The following MTMR1 variants were observed in gnomAD, a reference collection of about 807,000 sequenced individuals.
The protein encoded by MTMR1 is phosphatidylinositol-3-phosphate phosphatase MTMR1.
Under a neutral mutation model 51.6 loss-of-function variants are expected in MTMR1, and 17 were observed. That is an observed-to-expected ratio of 0.33 (90% CI 0.23 to 0.49). The LOEUF (loss-of-function observed/expected upper bound fraction) is 0.49. Among genes scored for constraint, MTMR1 ranks in the 20% least tolerant of loss-of-function variants. The pLI, the probability that MTMR1 is intolerant of heterozygous loss-of-function variation, is 0.99. For missense variants in MTMR1, 386 were observed against 526.9 expected (o/e 0.73, Z 2.62); for synonymous variants, 201 against 205.6 (o/e 0.98, Z 0.19).
chrX:150,758,383 C>A (rs1557417841), intron 15 of MTMR1, among the ~76,000 whole-genome samples: 1 of 112,300 alleles, frequency 8.9e-6, no homozygotes. Context: ...TGCCTAACAG[C>A]CCAGACATCA....
intron 6 of MTMR1, among the ~76,000 whole-genome samples, chrX:150,728,413 A>G (rs963573672): frequency 2.4e-4 from 27 of 112,184 alleles, no homozygotes; most frequent in African/African-American, 8.8e-4. Context: ...AAAAGCAGAG[A>G]CCAATACATT....
chrX:150,750,781 C>G lies in MTMR1; in HGVS notation c.1618C>G (p.His540Asp), dbSNP rs2042705272. ...GCTATTCTTGATTACAATTTTGGATCACCTTTATAGCTGTCTTTTTGGGAC... is the reference window on the plus strand; with the variant it reads ...GCTATTCTTGATTACAATTTTGGATGACCTTTATAGCTGTCTTTTTGGGAC... ...NELFLITILD[H>D]LYSCLFGTFL... The change falls in exon 14 of 16, where the codon CAC becomes GAC. Residue 540 changes from histidine (H) to aspartate (D), a missense_variant. Physicochemically the swap from His to Asp is moderately conservative, Grantham distance 81 (BLOSUM62 -1). Coordinates refer to ENST00000445323, the MANE Select transcript of MTMR1 (RefSeq NM_001306144.3). 8.3e-7 allele frequency: 1 copy of G among 1,206,923 alleles called. No homozygotes were observed. The highest frequency in any genetic ancestry group is 2.2e-5 in the Admixed American group (1 of 45,536).
At chrX:150,760,951 AAAAG>A (rs1557418006) in intron 15 of MTMR1, among the ~76,000 whole-genome samples, 5 of 109,586 alleles carry the variant, frequency 4.6e-5, no homozygotes, top group South Asian at 7.8e-4. Flanking sequence ...AAAAAAAAGA[AAAAG>A]AAAAGAAATA....
chrX:150,696,546 T>C (rs2040683709), intron 1 of MTMR1, among the ~76,000 whole-genome samples: 1 of 111,833 alleles, frequency 8.9e-6, no homozygotes, highest in African/African-American at 3.3e-5. Flanking sequence ...GTAACTACAT[T>C]GGCCAGGATG....
intron 13 of MTMR1, among the ~76,000 whole-genome samples, chrX:150,745,419 A>G (rs782471089): frequency 8.1e-5 from 9 of 111,681 alleles, no homozygotes; most frequent in Non-Finnish European, 1.7e-4. Flanking sequence ...GGATGCTACC[A>G]ATAGCCCTGC....
At chrX:150,714,346 A>G in intron 3 of MTMR1, 1 of 312,535 alleles carries the variant, frequency 3.2e-6, no homozygotes, top group South Asian at 3.7e-5. Flanking sequence ...TTGCAAAGTC[A>G]TGAAAGGTGT....
At chrX:150,701,610 A>G (rs1442077335) in intron 2 of MTMR1, among the ~76,000 whole-genome samples, 1 of 111,899 alleles carries the variant, frequency 8.9e-6, no homozygotes, top group Non-Finnish European at 1.9e-5. Flanking sequence ...CATCATCATC[A>G]TCATCATCAT....
intron 4 of MTMR1, among the ~76,000 whole-genome samples, chrX:150,721,698 A>G (rs192636140): frequency 9.0e-6 from 1 of 110,627 alleles, no homozygotes; most frequent in Admixed American, 9.6e-5. Context: ...TATTGATTTT[A>G]TTGATCTTCT....
chrX:150,756,836 AGACG>A (rs1416005488), intron 15 of MTMR1, among the ~76,000 whole-genome samples: 36 of 110,580 alleles, frequency 3.3e-4, no homozygotes, highest in Middle Eastern at 4.6e-3. Context: ...TTTTTAGTAG[AGACG>A]GGATTTCACC....
intron 15 of MTMR1, among the ~76,000 whole-genome samples, chrX:150,758,618 C>G (rs908460418): frequency 1.8e-5 from 2 of 111,269 alleles, no homozygotes; most frequent in Admixed American, 9.6e-5. Context: ...TGGCAAAACC[C>G]TGTCTCTACT....
intron 10 of MTMR1, 133 bp downstream of exon 10, chrX:150,732,863 C>T (rs923204205): frequency 1.6e-6 from 1 of 617,980 alleles, no homozygotes; most frequent in African/African-American, 2.3e-5. Context: ...ATAGCTATTC[C>T]TCCCTGGTGT....
chrX:150,764,808 G>A lies in MTMR1; in HGVS notation c.*2079G>A, dbSNP rs1175580977. 3 of 112,926 alleles carry A rather than the reference G, an allele frequency of 2.7e-5. No individual in the cohort carries two copies. The allele number at this position is 112,926 out of a possible 1,213,427, so 9.3% of individuals were successfully genotyped here. ...AGCAATTTTTGTTTTAAGTAAGTAAGTGTACTAGAATGCGAAGCCGTTATG... is the reference window on the plus strand; with the variant it reads ...AGCAATTTTTGTTTTAAGTAAGTAAATGTACTAGAATGCGAAGCCGTTATG... On this transcript the variant is annotated 3_prime_UTR_variant, in exon 16 of 16. Coordinates refer to ENST00000445323, the MANE Select transcript of MTMR1 (RefSeq NM_001306144.3).
intron 14 of MTMR1, chrX:150,751,068 C>G (rs2042716951): frequency 8.8e-7 from 1 of 1,136,327 alleles, no homozygotes; most frequent in Non-Finnish European, 1.2e-6. Context: ...GTGGCTCTCT[C>G]AGGAGTAGAT....
intron 14 of MTMR1, among the ~76,000 whole-genome samples, chrX:150,753,292 A>G (rs1298497428): frequency 8.9e-6 from 1 of 112,328 alleles, no homozygotes; most frequent in Non-Finnish European, 1.9e-5. Flanking sequence ...ATGCTACTAT[A>G]ACTATTCATG....
At chrX:150,755,965 C>A in intron 15 of MTMR1, 100 bp downstream of exon 15, 1 of 705,055 alleles carries the variant, frequency 1.4e-6, no homozygotes, top group Non-Finnish European at 2.1e-6. Flanking sequence ...ATTAACATAC[C>A]ATACTGACCG....
intron 13 of MTMR1, among the ~76,000 whole-genome samples, chrX:150,746,160 G>C (rs894846797): frequency 5.4e-4 from 61 of 112,034 alleles, no homozygotes; most frequent in African/African-American, 1.8e-3. Context: ...GGAACAAAGG[G>C]GAGGGAGTCT....
At chrX:150,758,575 C>T (rs370961241) in intron 15 of MTMR1, among the ~76,000 whole-genome samples, 3 of 111,604 alleles carry the variant, frequency 2.7e-5, no homozygotes, top group East Asian at 2.8e-4. Flanking sequence ...GGGCAGATCA[C>T]GAGGCAGAAG....
chrX:150,722,924 C>G (rs1449911376), intron 4 of MTMR1, among the ~76,000 whole-genome samples: 1 of 108,347 alleles, frequency 9.2e-6, no homozygotes, highest in Non-Finnish European at 1.9e-5. Flanking sequence ...CATATGTATA[C>G]ATGTGCCATG....
At chrX:150,737,110 G>T in intron 11 of MTMR1, 132 bp from the exon 12 acceptor site, 1 of 544,674 alleles carries the variant, frequency 1.8e-6, no homozygotes, top group South Asian at 3.3e-5. Context: ...GTGATTCTCA[G>T]CTGATTGCCT....
Sources: allele counts gnomAD v4.1 joint callset (sites outside exome capture counted in the v4.1 genomes callset), GRCh38; gene constraint gnomAD v4.1.1; transcripts MANE v1.5; gene names NCBI Gene and HGNC (gene_info 2026-07-23, HGNC 2026-07-21).